Variants in HCN1 observed in about 807,000 individuals in gnomAD.
HCN1 encodes hyperpolarization activated cyclic nucleotide gated potassium channel 1.
A neutral mutation model predicts 78.9 loss-of-function variants in HCN1; 13 were observed. The observed-to-expected ratio is 0.16, with a 90% CI of 0.11 to 0.26. The LOEUF (loss-of-function observed/expected upper bound fraction) is 0.26. Among genes scored for constraint, HCN1 ranks in the 10% least tolerant of loss-of-function variants. The pLI is 1.00. For missense variants in HCN1, 810 were observed against 1,154.3 expected, an observed-to-expected ratio of 0.70 and a Z score of 4.32; for synonymous variants, 552 against 455.5, an observed-to-expected ratio of 1.21 and a Z score of -2.70.
intron 1 of HCN1, among the ~76,000 whole-genome samples, chr5:45,668,441 C>T (rs1045471707): frequency 5.9e-5 from 9 of 151,964 alleles, no homozygotes; most frequent in East Asian, 1.9e-4. Flanking sequence ...CTTCACCTTC[C>T]GCCATGATTG....
intron 4 of HCN1, among the ~76,000 whole-genome samples, chr5:45,374,044 T>A (rs1356442423): frequency 1.0e-3 from 114 of 109,728 alleles, no homozygotes; most frequent in African/African-American, 4.0e-3. Context: ...ACATAATATA[T>A]ATTATATATA....
At chr5:45,637,612 ATTAG>A (rs1745379163) in intron 2 of HCN1, among the ~76,000 whole-genome samples, 1 of 151,272 alleles carries the variant, frequency 6.6e-6, no homozygotes, top group Non-Finnish European at 1.5e-5. Flanking sequence ...TGTCTGAGAG[ATTAG>A]TTAATTCTAC....
intron 2 of HCN1, among the ~76,000 whole-genome samples, chr5:45,604,389 GC>G (rs201902581): frequency 0.011 from 1,673 of 151,908 alleles, 18 homozygotes; most frequent in Middle Eastern, 0.058. Flanking sequence ...TGCTTGTAAT[GC>G]CATTATTCAA....
intron 4 of HCN1, among the ~76,000 whole-genome samples, chr5:45,371,119 A>G (rs1007539022): frequency 6.6e-6 from 1 of 152,066 alleles, no homozygotes; most frequent in Admixed American, 6.6e-5. Flanking sequence ...TCTGGGACTC[A>G]GCTAAGGCAG....
At chr5:45,652,991 C>T (rs955630834) in intron 1 of HCN1, among the ~76,000 whole-genome samples, 1 of 151,952 alleles carries the variant, frequency 6.6e-6, no homozygotes, top group Admixed American at 6.6e-5. Context: ...AGTAAATTGC[C>T]TCCTATTTAT....
intron 3 of HCN1, among the ~76,000 whole-genome samples, chr5:45,449,063 A>T (rs906510809): frequency 2.6e-5 from 4 of 152,218 alleles, no homozygotes; most frequent in African/African-American, 9.6e-5. Flanking sequence ...AGCCAAGATC[A>T]CACCACTGCA....
intron 2 of HCN1, among the ~76,000 whole-genome samples, chr5:45,525,094 T>A (rs1306171070): frequency 6.6e-6 from 1 of 152,160 alleles, no homozygotes; most frequent in East Asian, 1.9e-4. Flanking sequence ...TCAAAGGCCT[T>A]TTCTGCCTCT....
chr5:45,493,618 A>G (rs1311726023), intron 2 of HCN1, among the ~76,000 whole-genome samples: 1 of 149,768 alleles, frequency 6.7e-6, no homozygotes, highest in Non-Finnish European at 1.5e-5. Flanking sequence ...TTATTATTAT[A>G]CTTTAAGTTT....
chr5:45,354,175 A>G (rs988495769), intron 4 of HCN1, among the ~76,000 whole-genome samples: 2 of 151,876 alleles, frequency 1.3e-5, no homozygotes, highest in African/African-American at 4.8e-5. Context: ...CTCATCCAAG[A>G]CCTATGGAAT....
At chr5:45,306,141 C>T (rs1031760576) in intron 5 of HCN1, among the ~76,000 whole-genome samples, 4 of 151,934 alleles carry the variant, frequency 2.6e-5, no homozygotes, top group Admixed American at 1.3e-4. Flanking sequence ...AATTATTTCA[C>T]ATGTAAAATG....
At chr5:45,340,699 G>T (rs1450505596) in intron 5 of HCN1, among the ~76,000 whole-genome samples, 1 of 151,984 alleles carries the variant, frequency 6.6e-6, no homozygotes, top group African/African-American at 2.4e-5. Flanking sequence ...CTTATGGAAG[G>T]TGCATATTAT....
chr5:45,356,254 C>T (rs918620913), intron 4 of HCN1, among the ~76,000 whole-genome samples: 14 of 151,736 alleles, frequency 9.2e-5, no homozygotes, highest in Admixed American at 6.6e-4. Context: ...AGCAAGGATG[C>T]CAATACAATT....
intron 2 of HCN1, among the ~76,000 whole-genome samples, chr5:45,526,325 A>G (rs1054318367): frequency 1.3e-5 from 2 of 151,430 alleles, no homozygotes; most frequent in African/African-American, 4.9e-5. Flanking sequence ...GATAAGGGAG[A>G]CTCCTTTATC....
intron 3 of HCN1, among the ~76,000 whole-genome samples, chr5:45,409,193 A>G (rs973181021): frequency 6.6e-6 from 1 of 152,090 alleles, no homozygotes; most frequent in African/African-American, 2.4e-5. Flanking sequence ...AAGAGCTAAT[A>G]AATAATAAGC....
chr5:45,570,878 T>TTGTGACAATTTGCTCC (rs1743813239), intron 2 of HCN1, among the ~76,000 whole-genome samples: 1 of 152,170 alleles, frequency 6.6e-6, no homozygotes, highest in Non-Finnish European at 1.5e-5. Flanking sequence ...TAAAATTCTT[T>TTGTGACAATTTGCTCC]TGTGACAATT....
intron 3 of HCN1, among the ~76,000 whole-genome samples, chr5:45,455,465 T>C (rs1379439963): frequency 6.6e-6 from 1 of 152,010 alleles, no homozygotes; most frequent in African/African-American, 2.4e-5. Flanking sequence ...GCAGGGACTT[T>C]GTCTCATCCT....
intron 4 of HCN1, among the ~76,000 whole-genome samples, chr5:45,366,036 A>G (rs1442050758): frequency 6.6e-6 from 1 of 151,856 alleles, no homozygotes; most frequent in African/African-American, 2.4e-5. Flanking sequence ...ATTTCACACC[A>G]GGGCTAAATC....
At chr5:45,410,619 A>G (rs1482651568) in intron 3 of HCN1, among the ~76,000 whole-genome samples, 4 of 152,110 alleles carry the variant, frequency 2.6e-5, no homozygotes, top group Non-Finnish European at 4.4e-5. Context: ...CCTCAACTCT[A>G]AAGACATGAC....
chr5:45,277,965 A>G (rs1268876691), intron 6 of HCN1, among the ~76,000 whole-genome samples: 1 of 152,134 alleles, frequency 6.6e-6, no homozygotes, highest in Non-Finnish European at 1.5e-5. Flanking sequence ...CTGATGGACA[A>G]TCTCACTTGC....
Sources: gnomAD v4.1 joint callset for allele counts (sites outside exome capture counted in the v4.1 genomes callset) on GRCh38, gnomAD v4.1.1 for gene constraint, MANE v1.5 for transcripts, NCBI Gene and HGNC (gene_info 2026-07-23, HGNC 2026-07-21) for gene names.